HYDIN: variants seen among roughly 807,000 people sequenced by gnomAD.
HYDIN encodes the protein HYDIN axonemal central pair apparatus protein, also known as axonemal central pair apparatus protein HYDIN.
HYDIN carries 132 observed loss-of-function variants against 403.9 expected under a neutral mutation model. That is an observed-to-expected ratio of 0.33 (90% CI 0.28 to 0.38). HYDIN has a LOEUF of 0.38. Ranked by LOEUF, HYDIN falls within the 10% of genes least tolerant of loss-of-function variation. HYDIN has a pLI of 1.00. For synonymous variants in HYDIN, 1,202 were observed against 1,891.7 expected (o/e 0.64, Z 9.46); for missense variants, 2,827 against 5,009.5 (o/e 0.56, Z 13.15).
At chr16:70,942,456 C>T (rs543329731) in intron 42 of HYDIN, among the ~76,000 whole-genome samples, 17 of 152,236 alleles carry the variant, frequency 1.1e-4, no homozygotes, top group Admixed American at 7.8e-4. Context: ...AAAGATGCTC[C>T]CAAGCACAGA....
rs2034929807 is a variant in HYDIN, at chr16:70,802,590, G to C, written c.*4990C>G. 6.6e-6 allele frequency: 1 copy of C among 152,194 alleles called. No homozygotes were observed. Among genetic ancestry groups the C allele is most frequent in the African/African-American group, 2.4e-5 (1 of 41,450 alleles). 9.4% of individuals were successfully genotyped at this position (152,194 alleles called of 1,614,324 possible). On this transcript the variant is annotated 3_prime_UTR_variant, in exon 86 of 86. Transcript: ENST00000393567. ...AGTTGAGCCTCCTGATGAGGATGCA[G>C]CTGGCCAGCACCTTGATTTCAGCCT...
Position 70,888,798 on chromosome 16 carries a change from A to G in HYDIN, c.9774+789T>C, listed in dbSNP as rs531889045. Among the ~76,000 whole-genome samples, 15 of 151,820 alleles carry G rather than the reference A, an allele frequency of 9.9e-5. No individual in the cohort carries two copies. In the East Asian group the frequency reaches 1.7e-3, roughly 18 times the overall value. On this transcript the variant is annotated intron_variant, in intron 58 of 85. Transcript: ENST00000393567. The stretch of plus-strand genomic sequence containing the variant: ...GGAGAGGGTGGAGTCTAGACTCTCT[A>G]TTTGGCCTTTGCTAGCAGAGGTGGC...
intron 71 of HYDIN, among the ~76,000 whole-genome samples, chr16:70,858,751 C>T (rs1329356632): frequency 6.6e-6 from 1 of 152,206 alleles, no homozygotes; most frequent in Non-Finnish European, 1.5e-5. Context: ...GATTTTGGAA[C>T]TTGCCTCTTG....
chr16:70,931,050 C>A lies in HYDIN; in HGVS notation c.7158+4902G>T, dbSNP rs1774380. ...GCAGAAGGAAATCCAAGCAGATAAA[C>A]TGAAAAATTTAAAAAGAACCAAGTG... On this transcript the variant is annotated intron_variant, in intron 45 of 85. Transcript: ENST00000393567. 1.0e-2 allele frequency among the ~76,000 whole-genome samples: 1,453 copies of A among 145,610 alleles called. 25 individuals are homozygous for A. Among genetic ancestry groups the A allele is most frequent in the African/African-American group, 0.037 (1,355 of 37,096 alleles).
At chr16:70,945,867 C>A (rs1567881504) in intron 41 of HYDIN, among the ~76,000 whole-genome samples, 1 of 152,066 alleles carries the variant, frequency 6.6e-6, no homozygotes, top group Non-Finnish European at 1.5e-5. Context: ...GACAAAGGCC[C>A]CACTGGAAGC....
intron 83 of HYDIN, among the ~76,000 whole-genome samples, chr16:70,826,705 ATCTCTCTCTCTCTCTCTCTCTC>A (rs3043151): frequency 1.3e-4 from 17 of 129,094 alleles, no homozygotes; most frequent in African/African-American, 6.0e-4. Flanking sequence ...TCTTGCCAGC[ATCTCTCTCTCTCTCTCTCTCTC>A]TCTCTCTCTC....
intron 1 of HYDIN, among the ~76,000 whole-genome samples, chr16:71,193,091 T>C (rs1443132371): frequency 6.6e-6 from 1 of 152,236 alleles, no homozygotes; most frequent in Non-Finnish European, 1.5e-5. Context: ...ATGCATCAAA[T>C]ACAGTGCATT....
intron 45 of HYDIN, among the ~76,000 whole-genome samples, chr16:70,926,947 G>A (rs973318452): frequency 2.0e-5 from 3 of 152,130 alleles, no homozygotes; most frequent in African/African-American, 7.2e-5. Context: ...TATAAAGAGA[G>A]GACAAAAGTA....
chr16:71,078,538 T>C (rs1313748909), intron 13 of HYDIN, among the ~76,000 whole-genome samples: 1 of 152,190 alleles, frequency 6.6e-6, no homozygotes, highest in Non-Finnish European at 1.5e-5. Flanking sequence ...AGGGTCTTGC[T>C]CTTTTGCCTA....
At chr16:70,944,253 A>G (rs1486477833) in intron 41 of HYDIN, among the ~76,000 whole-genome samples, 1 of 152,264 alleles carries the variant, frequency 6.6e-6, no homozygotes, top group African/African-American at 2.4e-5. Context: ...TAGGGATATA[A>G]CAACAAACAA....
At chr16:71,169,489 A>T (rs1686474540) in intron 5 of HYDIN, among the ~76,000 whole-genome samples, 1 of 152,208 alleles carries the variant, frequency 6.6e-6, no homozygotes, top group East Asian at 1.9e-4. Context: ...ATGTAATCTT[A>T]AAAAAGAAGG....
Position 70,809,852 on chromosome 16 carries a change from A to G in HYDIN, c.14814T>C (p.Leu4938=). 6.2e-7 allele frequency: 1 copy of G among 1,614,238 alleles called. No individual in the cohort carries two copies. Among genetic ancestry groups the G allele is most frequent in the Admixed American group, 1.7e-5 (1 of 60,034 alleles). ...TCACAAGGATGATTTGGCTGCTGCC[A>G]AGGACAGTCTGGAAGTGAACAGGCT... The part of the protein sequence containing the change: ...PEKPVHFQTV[L]GSSQIILVKF... Residue 4938 remains leucine, a synonymous_variant, in exon 85 of 86, where the codon CTT becomes CTC. Coordinates refer to ENST00000393567, the MANE Select transcript of HYDIN (RefSeq NM_001270974.2).
intron 47 of HYDIN, among the ~76,000 whole-genome samples, chr16:70,917,251 A>G (rs877964): frequency 3.1e-3 from 463 of 149,536 alleles, no homozygotes; most frequent in African/African-American, 0.011. Context: ...GGGTTGATGG[A>G]AAGTTTTTCT....
chr16:71,051,742 A>G (rs2081656914), intron 18 of HYDIN, among the ~76,000 whole-genome samples: 1 of 152,220 alleles, frequency 6.6e-6, no homozygotes, highest in Non-Finnish European at 1.5e-5. Flanking sequence ...TCTACTATTC[A>G]GCATTGCATT....
intron 5 of HYDIN, among the ~76,000 whole-genome samples, chr16:71,174,226 G>A (rs1434684541): frequency 2.6e-5 from 4 of 152,090 alleles, no homozygotes; most frequent in Non-Finnish European, 5.9e-5. Context: ...TTATTATAAC[G>A]GAATTTTTAA....
intron 11 of HYDIN, chr16:71,090,339 T>TA (rs1470768986): frequency 1.4e-5 from 2 of 139,866 alleles, no homozygotes; most frequent in South Asian, 4.8e-4. Context: ...ACAATCTACT[T>TA]AGTTTCTCTG....
chr16:71,094,033 T>C, intron 10 of HYDIN, 98 bp from the exon 11 acceptor site: 2 of 932,868 alleles, frequency 2.1e-6, no homozygotes, highest in African/African-American at 3.3e-5. Flanking sequence ...ATCAAAATTA[T>C]TAAATAGCTC....
At chr16:71,135,715 T>C (rs2084891991) in intron 8 of HYDIN, among the ~76,000 whole-genome samples, 1 of 152,136 alleles carries the variant, frequency 6.6e-6, no homozygotes. Flanking sequence ...TACTGGATCC[T>C]TTTCCTTGTG....
Position 70,833,905 on chromosome 16 carries a change from G to C in HYDIN, c.13661C>G (p.Thr4554Arg). The C allele has an allele frequency of 6.2e-7, 1 of 1,613,170 alleles. No individual in the cohort carries two copies. The highest frequency in any genetic ancestry group is 8.5e-7 in the Non-Finnish European group (1 of 1,179,764). Residue 4554 changes from threonine to arginine, a missense_variant, in exon 79 of 86, where the codon ACA becomes AGA. Physicochemically the swap from Thr to Arg is moderately conservative, Grantham distance 71. Transcript: ENST00000393567. ...QATRRILMMN[T>R]GDVGARFKWD... The stretch of plus-strand genomic sequence containing the variant: ...CCCTTACCTTGCACCCACATCGCCT[G>C]TGTTCATCATGAGGATGCGACGTGT...
Sources: allele counts gnomAD v4.1 joint callset (sites outside exome capture counted in the v4.1 genomes callset), GRCh38; gene constraint gnomAD v4.1.1; transcripts MANE v1.5; gene names NCBI Gene and HGNC (gene_info 2026-07-23, HGNC 2026-07-21).